CHD7: variants seen among roughly 807,000 people sequenced by gnomAD.
CHD7 encodes the protein chromodomain helicase DNA binding protein 7.
Under a neutral mutation model 307.3 loss-of-function variants are expected in CHD7, and 24 were observed. That is an observed-to-expected ratio of 0.08 (90% CI 0.06 to 0.11). The LOEUF is 0.11. Among genes scored for constraint, CHD7 ranks in the 10% least tolerant of loss-of-function variants. The probability of loss-of-function intolerance (pLI) is 1.00; values close to 1 mark genes in which losing one functional copy is unlikely to be tolerated. For synonymous variants in CHD7, 1,363 were observed against 1,349.9 expected (o/e 1.01, Z -0.21); for missense variants, 3,106 against 3,727.1 (o/e 0.83, Z 4.34).
chr8:60,691,198 A>G (rs1806176746), intron 1 of CHD7, among the ~76,000 whole-genome samples: 1 of 152,208 alleles, frequency 6.6e-6, no homozygotes, highest in Admixed American at 6.5e-5. Context: ...CTGGGATTAC[A>G]GGTGTCTGTG....
At position 60,816,016 on chromosome 8, in the gene CHD7, T is replaced by C. The variant is rs1461350243; in HGVS notation, c.2499-371T>C. On this transcript the variant is annotated intron_variant, in intron 7 of 37. Transcript: ENST00000423902. ...CAGAATTAAGGCCTCCCTGTAGTGC[T>C]AATTTTATATTGAAGTATAATCCAT... 1.1e-4 allele frequency among the ~76,000 whole-genome samples: 16 copies of C among 152,336 alleles called. No homozygotes were observed. In the South Asian group the frequency reaches 3.1e-3, roughly 30 times the overall value.
chr8:60,781,326 G>A lies in CHD7; in HGVS notation c.1992G>A (p.Glu664=). 6.4e-7 allele frequency: 1 copy of A among 1,572,526 alleles called. No individual in the cohort carries two copies. The highest frequency in any genetic ancestry group is 1.2e-5 in the South Asian group (1 of 84,758). Residue 664 remains glutamate, a synonymous_variant, in exon 3 of 38, where the codon GAG becomes GAA. Coordinates refer to ENST00000423902, the MANE Select transcript of CHD7 (RefSeq NM_017780.4). ...KEPKEPKEKK[E]PKEPKTPKAP... ...CGAAAGAACCCAAGGAGAAAAAAGA[G>A]CCCAAGGAACCCAAGACCCCGAAAG...
At chr8:60,839,593 T>C (rs931138265) in intron 19 of CHD7, among the ~76,000 whole-genome samples, 4 of 152,182 alleles carry the variant, frequency 2.6e-5, no homozygotes, top group Non-Finnish European at 4.4e-5. Context: ...GAACTCCATA[T>C]CCTCCCCAAT....
At chr8:60,821,530 GTATATGTA>G (rs559482885) in intron 9 of CHD7, among the ~76,000 whole-genome samples, 20 of 150,938 alleles carry the variant, frequency 1.3e-4, no homozygotes, top group South Asian at 8.3e-4. Context: ...AAATATACAT[GTATATGTA>G]TATATGTATA....
intron 4 of CHD7, among the ~76,000 whole-genome samples, chr8:60,798,995 A>G (rs1426884235): frequency 2.0e-5 from 3 of 152,156 alleles, no homozygotes; most frequent in Non-Finnish European, 4.4e-5. Context: ...GCTATTAATA[A>G]TCTGTTGTCT....
chr8:60,856,231 T>C, intron 33 of CHD7, 29 bp downstream of exon 33: 1 of 1,509,520 alleles, frequency 6.6e-7, no homozygotes, highest in Non-Finnish European at 9.0e-7. Context: ...TTTCTGCAGC[T>C]TAAAAGGGAG....
chr8:60,803,593 C>T (rs1040325090), intron 6 of CHD7, among the ~76,000 whole-genome samples: 2 of 151,986 alleles, frequency 1.3e-5, no homozygotes, highest in African/African-American at 4.8e-5. Flanking sequence ...AAAAATTCTT[C>T]TGGAAGGGAG....
rs1809017261 is a variant in CHD7, at chr8:60,741,598, C to T, written c.166C>T (p.His56Tyr). 1 of 1,613,648 alleles carries T rather than the reference C, an allele frequency of 6.2e-7. No individual in the cohort carries two copies. The highest frequency in any genetic ancestry group is 1.3e-5 in the African/African-American group (1 of 74,944). Residue 56 changes from histidine (H) to tyrosine (Y), a missense_variant, in exon 2 of 38, where the codon CAT becomes TAT. His to Tyr is a moderately conservative substitution (Grantham distance 83). This residue lies in a region of CHD7 where 998 missense variants were observed against 1,004.5 expected (regional missense o/e 0.99). Coordinates refer to ENST00000423902, the MANE Select transcript of CHD7 (RefSeq NM_017780.4). The part of the protein sequence containing the change: ...GFASLQPSLH[H>Y]PSTNQNQTKL... ...TGCCTCTTTACAGCCATCCCTTCAT[C>T]ATCCTTCAACTAATCAAAATCAAAC...
intron 14 of CHD7, among the ~76,000 whole-genome samples, 152 bp from the exon 15 acceptor site, chr8:60,830,170 G>A (rs146945153): frequency 9.1e-4 from 139 of 152,312 alleles, no homozygotes; most frequent in Non-Finnish European, 1.7e-3. Flanking sequence ...TCTTATGAAA[G>A]CTGAGAGATG....
At chr8:60,854,029 T>C (rs1045133293) in intron 31 of CHD7, among the ~76,000 whole-genome samples, 14 of 152,148 alleles carry the variant, frequency 9.2e-5, no homozygotes, top group Admixed American at 8.5e-4. Flanking sequence ...TGACAGAAGG[T>C]CAGCCCTTTT....
chr8:60,849,211 A>G (rs1376154584), intron 25 of CHD7, 57 bp downstream of exon 25: 2 of 1,059,894 alleles, frequency 1.9e-6, no homozygotes, highest in Non-Finnish European at 2.9e-6. Context: ...CTTTATTTAG[A>G]ACTCTTTACA....
chr8:60,801,124 T>C lies in CHD7; in HGVS notation c.2377-404T>C, dbSNP rs75513516. 5.6e-3 allele frequency among the ~76,000 whole-genome samples: 852 copies of C among 152,366 alleles called. 13 individuals carry two copies. Among genetic ancestry groups the C allele is most frequent in the African/African-American group, 0.02 (814 of 41,580 alleles). ...TGTTCTATGTTAAGTTGTTACATAA[T>C]GTTTTATGTGACCTCCATAGATAAA... On this transcript the variant is annotated intron_variant, in intron 5 of 37. Coordinates refer to ENST00000423902, the MANE Select transcript of CHD7 (RefSeq NM_017780.4).
intron 1 of CHD7, among the ~76,000 whole-genome samples, chr8:60,700,491 C>T (rs546890675): frequency 8.5e-5 from 13 of 152,290 alleles, no homozygotes; most frequent in East Asian, 3.9e-4. Flanking sequence ...ATCAGCACCA[C>T]GGAAGATTAC....
chr8:60,820,425 TTGAG>T (rs1389466666), intron 9 of CHD7, among the ~76,000 whole-genome samples: 1 of 152,210 alleles, frequency 6.6e-6, no homozygotes, highest in East Asian at 1.9e-4. Context: ...CCTTATATAA[TTGAG>T]TGTCTCTTGT....
intron 1 of CHD7, among the ~76,000 whole-genome samples, chr8:60,684,449 C>G (rs972117738): frequency 3.3e-5 from 5 of 152,168 alleles, no homozygotes; most frequent in Admixed American, 2.6e-4. Context: ...ATGGTAAACT[C>G]ACACAAAAAC....
intron 2 of CHD7, among the ~76,000 whole-genome samples, chr8:60,758,333 A>G (rs2150611787): frequency 1.3e-5 from 2 of 152,120 alleles, no homozygotes; most frequent in East Asian, 3.9e-4. Flanking sequence ...CGTGTTGCCC[A>G]GGCTGGTCTC....
chr8:60,696,011 G>A (rs1402879138), intron 1 of CHD7, among the ~76,000 whole-genome samples: 6 of 152,120 alleles, frequency 3.9e-5, no homozygotes, highest in Non-Finnish European at 2.9e-5. Context: ...ACTGTTATAA[G>A]CCACAGCATT....
At chr8:60,818,257 T>TA (rs1317470302) in intron 8 of CHD7, among the ~76,000 whole-genome samples, 2 of 152,216 alleles carry the variant, frequency 1.3e-5, no homozygotes, top group African/African-American at 4.8e-5. Context: ...TAGGCTGCCT[T>TA]ACAAGCCTGC....
At chr8:60,810,277 G>C (rs1048935276) in intron 7 of CHD7, among the ~76,000 whole-genome samples, 1 of 152,002 alleles carries the variant, frequency 6.6e-6, no homozygotes, top group African/African-American at 2.4e-5. Flanking sequence ...CAGTGAAGGG[G>C]GGGGCATTGA....
Sources: gnomAD v4.1 joint callset for allele counts (sites outside exome capture counted in the v4.1 genomes callset) on GRCh38, gnomAD v4.1.1 for gene constraint, gnomAD v4.1.1 regional missense constraint, MANE v1.5 for transcripts, NCBI Gene and HGNC (gene_info 2026-07-23, HGNC 2026-07-21) for gene names.